The following CCDC88A variants were observed in gnomAD, a reference collection of about 807,000 sequenced individuals.
CCDC88A encodes girdin.
A neutral mutation model predicts 234.3 loss-of-function variants in CCDC88A; 54 were observed. The ratio of observed to expected loss-of-function variants is 0.23; its 90% CI spans 0.19 to 0.29. The LOEUF (loss-of-function observed/expected upper bound fraction) is 0.29, where lower values mean the gene tolerates loss of function less well. Ranked by LOEUF, CCDC88A falls within the 10% of genes least tolerant of loss-of-function variation. CCDC88A has a pLI of 1.00. For missense variants in CCDC88A, 1,832 were observed against 2,123.4 expected (o/e 0.86, Z 2.70); for synonymous variants, 753 against 737.8 (o/e 1.02, Z -0.33).
intron 19 of CCDC88A, among the ~76,000 whole-genome samples, 191 bp from the exon 20 acceptor site, chr2:55,318,032 G>A (rs1274179678): frequency 6.6e-6 from 1 of 151,968 alleles, no homozygotes; most frequent in Non-Finnish European, 1.5e-5. Flanking sequence ...TTTTGGAAGT[G>A]TATATATACA....
At chr2:55,394,012 G>A (rs1001129973) in intron 2 of CCDC88A, 2 of 151,990 alleles carry the variant, frequency 1.3e-5, no homozygotes, top group South Asian at 4.2e-4. Flanking sequence ...AGGCTGAGGT[G>A]CAATGCTATG....
Position 55,328,190 on chromosome 2 carries a change from A to G in CCDC88A, c.2997+104T>C. The G allele has an allele frequency of 1.1e-6, 1 of 884,544 alleles. No homozygotes were observed. The allele number at this position is 884,544 out of a possible 1,614,324, so 54.8% of individuals were successfully genotyped here. On this transcript the variant is annotated intron_variant, in intron 17 of 32. Coordinates refer to ENST00000436346, the MANE Select transcript of CCDC88A (RefSeq NM_001365480.1). This position sits in a 1 kb window ranked among gnomAD's most constrained non-coding sequence, Gnocchi z 4.3. ...TATGAAAAAGGAAGAAATAGACTAA[A>G]TATCAATAAAATGTTTATATTTTTA...
At chr2:55,372,558 C>G (rs757600334) in intron 4 of CCDC88A, 48 bp from the exon 5 acceptor site, 1 of 894,608 alleles carries the variant, frequency 1.1e-6, no homozygotes, top group South Asian at 1.5e-5. Context: ...ATATTTTCAA[C>G]TCTATTATAT....
intron 2 of CCDC88A, chr2:55,403,502 C>A (rs1227698754): frequency 2.0e-5 from 3 of 152,238 alleles, no homozygotes; most frequent in South Asian, 4.1e-4. Flanking sequence ...ATTGCCCACA[C>A]AATTTGGTAC....
At chr2:55,329,452 T>A (rs1684663541) in intron 16 of CCDC88A, 1 of 152,200 alleles carries the variant, frequency 6.6e-6, no homozygotes, top group African/African-American at 2.4e-5. Context: ...AGAGAACAAA[T>A]CTCATTCACT....
chr2:55,307,047 G>A (rs1574037084), intron 25 of CCDC88A, among the ~76,000 whole-genome samples: 1 of 145,130 alleles, frequency 6.9e-6, no homozygotes, highest in East Asian at 1.9e-4. Flanking sequence ...TATTTCAAAA[G>A]AATAGAATGT....
chr2:55,290,373 C>G lies in CCDC88A; in HGVS notation c.*827G>C, dbSNP rs1679364048. 6.6e-6 allele frequency: 1 copy of G among 151,880 alleles called. No individual in the cohort carries two copies. The highest frequency in any genetic ancestry group is 1.5e-5 in the Non-Finnish European group (1 of 67,864). The allele number at this position is 151,880 out of a possible 1,614,324, so 9.4% of individuals were successfully genotyped here. A position where few individuals can be genotyped will look rare whatever the true frequency, so the allele number is the denominator to read the frequency against. On this transcript the variant is annotated 3_prime_UTR_variant, in exon 33 of 33. Transcript: ENST00000436346. ...TGCACACGCATACATAACCCAATACCAAAGAAAAGAAATGAGTTAAAGCAC... is the reference window on the plus strand; with the variant it reads ...TGCACACGCATACATAACCCAATACGAAAGAAAAGAAATGAGTTAAAGCAC...
intron 18 of CCDC88A, among the ~76,000 whole-genome samples, chr2:55,319,548 A>G (rs756617466): frequency 1.9e-4 from 29 of 152,258 alleles, no homozygotes; most frequent in Non-Finnish European, 2.6e-4. Flanking sequence ...CCATTTTGCA[A>G]TCCACAACAG....
In CCDC88A at chr2:55,308,633, T is replaced by C. The variant is rs188284455; in HGVS notation, c.4387+176A>G. The C allele has an allele frequency of 3.7e-4, 217 of 587,100 alleles. 1 individual carries two copies. Among genetic ancestry groups the C allele is most frequent in the African/African-American group, 3.7e-3 (196 of 53,664 alleles). 36.4% of individuals were successfully genotyped at this position (587,100 alleles called of 1,614,324 possible). ...AAATGATAGTATATCTGTGTATGAT[T>C]TACCTCAGAAAATTGTGTGGCTGTA... On this transcript the variant is annotated intron_variant, in intron 25 of 32. Coordinates refer to ENST00000436346, the MANE Select transcript of CCDC88A (RefSeq NM_001365480.1).
intron 2 of CCDC88A, among the ~76,000 whole-genome samples, chr2:55,409,657 C>T (rs1375733791): frequency 6.6e-6 from 1 of 152,000 alleles, no homozygotes; most frequent in African/African-American, 2.4e-5. Flanking sequence ...TGCCCTGAGT[C>T]CAACTCCGGC....
Position 55,308,940 on chromosome 2 carries a change from G to A in CCDC88A, c.4256C>T (p.Thr1419Ile), listed in dbSNP as rs1312610930. 7 of 1,613,900 alleles carry A rather than the reference G, an allele frequency of 4.3e-6. No homozygotes were observed. The African/African-American group carries it at 9.3e-5, about 22-fold the overall frequency. Residue 1419 changes from threonine (T) to isoleucine (I), a missense_variant, in exon 25 of 33, where the codon ACA (threonine) becomes ATA (isoleucine). This residue lies in a region of CCDC88A where 1,282 missense variants were observed against 1,543.6 expected (regional missense o/e 0.83). Transcript: ENST00000436346. ...DINRERQKSL[T>I]LTPTRSDSSE... ...GGAGTCTGAGCGGGTGGGTGTTAAT[G>A]TTAGAGATTTCTGGCGTTCCCGATT...
chr2:55,330,792 T>G (rs2576717), intron 16 of CCDC88A, among the ~76,000 whole-genome samples: 73,153 of 151,954 alleles, frequency 0.48, 18,834 homozygotes, highest in East Asian at 0.85. Flanking sequence ...TCACTTCCTA[T>G]CCTGTCTCTG....
intron 3 of CCDC88A, among the ~76,000 whole-genome samples, chr2:55,386,135 A>G (rs1489362583): frequency 1.3e-5 from 2 of 152,058 alleles, no homozygotes; most frequent in Non-Finnish European, 2.9e-5. Flanking sequence ...AGACAGGAGA[A>G]TCACTTGAAC....
chr2:55,329,445 G>C (rs1684662125), intron 16 of CCDC88A: 1 of 152,086 alleles, frequency 6.6e-6, no homozygotes, highest in South Asian at 2.1e-4. Context: ...TGAATACAGA[G>C]AACAAATCTC....
At position 55,288,712 on chromosome 2, in the gene CCDC88A, T is replaced by G. The variant is rs142105346; in HGVS notation, c.*2488A>C. 8 of 152,604 alleles carry G rather than the reference T, an allele frequency of 5.2e-5. No homozygotes were observed. Among genetic ancestry groups the G allele is most frequent in the African/African-American group, 7.2e-5 (3 of 41,592 alleles). The allele number at this position is 152,604 out of a possible 1,614,324, so 9.5% of individuals were successfully genotyped here. On this transcript the variant is annotated 3_prime_UTR_variant, in exon 33 of 33. Transcript: ENST00000436346. ...TATTGGAGCTCTGAGCCAAAGCTAT[T>G]ACCCTGTATATTGATTCTTCAGTTT...
At position 55,288,862 on chromosome 2, in the gene CCDC88A, T is replaced by A. The variant is rs1230608045; in HGVS notation, c.*2338A>T. On this transcript the variant is annotated 3_prime_UTR_variant, in exon 33 of 33. Coordinates refer to ENST00000436346, the MANE Select transcript of CCDC88A (RefSeq NM_001365480.1). ...TGGCTTTATTATTGTTTGGCAGAAG[T>A]TGTTTAGGGGAGAAGAGTGGCTTCC... 6.6e-6 allele frequency: 1 copy of A among 152,182 alleles called. No homozygotes were observed. The highest frequency in any genetic ancestry group is 1.9e-4 in the East Asian group (1 of 5,196). 9.4% of individuals were successfully genotyped at this position (152,182 alleles called of 1,614,324 possible). A position where few individuals can be genotyped will look rare whatever the true frequency, so the allele number is the denominator to read the frequency against.
Position 55,334,281 on chromosome 2 carries a change from A to G in CCDC88A, c.2540T>C (p.Ile847Thr), listed in dbSNP as rs1685243822. ...ENKRLRQQAE[I>T]KDTTLEENNV... Reference sequence around the variant, plus strand: ...ATTTTCTTCTAATGTGGTATCTTTAATTTCTGCTTGTTGTCGGAGTCTCTT... The same window carrying G: ...ATTTTCTTCTAATGTGGTATCTTTAGTTTCTGCTTGTTGTCGGAGTCTCTT... Residue 847 changes from isoleucine to threonine, a missense_variant, in exon 15 of 33, where the codon ATT becomes ACT. By Grantham distance (89) the Ile-to-Thr change is moderately conservative. Around this residue, in one of 6 missense-constraint regions of CCDC88A, gnomAD observed 1,282 missense variants for 1,543.6 expected, o/e 0.83. Coordinates refer to ENST00000436346, the MANE Select transcript of CCDC88A (RefSeq NM_001365480.1). The surrounding 1 kb of genome is among the most constrained non-coding windows in gnomAD (Gnocchi z 6.1). 6.9e-7 allele frequency: 1 copy of G among 1,451,950 alleles called. No homozygotes were observed. Among genetic ancestry groups the G allele is most frequent in the Non-Finnish European group, 9.0e-7 (1 of 1,105,404 alleles). 89.9% of individuals were successfully genotyped at this position (1,451,950 alleles called of 1,614,324 possible).
intron 13 of CCDC88A, 138 bp downstream of exon 13, chr2:55,339,326 T>G: frequency 2.5e-6 from 2 of 794,270 alleles, no homozygotes; most frequent in Non-Finnish European, 3.8e-6. Flanking sequence ...CACACCATAT[T>G]TGTGTATATT....
chr2:55,290,322 AAC>A lies in CCDC88A; in HGVS notation c.*876_*877del, dbSNP rs1558607641. On this transcript the variant is annotated 3_prime_UTR_variant, in exon 33 of 33. Coordinates refer to ENST00000436346, the MANE Select transcript of CCDC88A (RefSeq NM_001365480.1). Reference sequence around the variant, plus strand: ...TTTGCCATAAGAAAACTTCTTAAGCAACAGTCAGCTCTCAAGTTAAAAAAATG... The same window carrying A: ...TTTGCCATAAGAAAACTTCTTAAGCAAGTCAGCTCTCAAGTTAAAAAAATG... The A allele has an allele frequency of 6.6e-6, 1 of 152,124 alleles. No homozygotes were observed. The highest frequency in any genetic ancestry group is 1.5e-5 in the Non-Finnish European group (1 of 67,948). 9.4% of individuals were successfully genotyped at this position (152,124 alleles called of 1,614,324 possible). A position where few individuals can be genotyped will look rare whatever the true frequency, so the allele number is the denominator to read the frequency against.
Sources: gnomAD v4.1 joint callset for allele counts (sites outside exome capture counted in the v4.1 genomes callset) on GRCh38, gnomAD v4.1.1 for gene constraint, gnomAD v4.1.1 regional missense constraint, Gnocchi (gnomAD v3.1) non-coding constraint, MANE v1.5 for transcripts, NCBI Gene and HGNC (gene_info 2026-07-23, HGNC 2026-07-21) for gene names.